The following CCDC148 variants were observed in gnomAD, a reference collection of about 807,000 sequenced individuals.
CCDC148 encodes coiled-coil domain containing 148.
In CCDC148, 89 loss-of-function variants were observed where a neutral mutation model predicts 85.7. The ratio of observed to expected loss-of-function variants is 1.04; its 90% CI spans 0.87 to 1.24. The LOEUF is 1.24. Among genes scored for constraint, CCDC148 ranks in the 50% most tolerant of loss-of-function variants. The pLI is 0.00. For synonymous variants in CCDC148, 230 were observed against 213.9 expected, an observed-to-expected ratio of 1.08 and a Z score of -0.66; for missense variants, 692 against 671.7, an observed-to-expected ratio of 1.03 and a Z score of -0.33.
At position 158,361,832 on chromosome 2, in the gene CCDC148, G is replaced by A. The variant is rs191220915; in HGVS notation, c.26-3262C>T. ...ACACATAACAATACTAACCTTAACT[G>A]TAAATGGGCTAAATGCCTTTAATTA... On this transcript the variant is annotated intron_variant, in intron 1 of 13. Transcript: ENST00000283233. Among the ~76,000 whole-genome samples the A allele has an allele frequency of 5.3e-5, 8 of 152,176 alleles. No individual in the cohort carries two copies. In the East Asian group the frequency reaches 1.4e-3, roughly 26 times the overall value.
At chr2:158,350,908 C>T (rs1232863950) in intron 2 of CCDC148, among the ~76,000 whole-genome samples, 1 of 152,026 alleles carries the variant, frequency 6.6e-6, no homozygotes, top group Non-Finnish European at 1.5e-5. Flanking sequence ...ATTCAACAGC[C>T]TCTCTTCTGT....
chr2:158,449,906 T>A (rs1688326562), intron 1 of CCDC148, among the ~76,000 whole-genome samples: 1 of 152,260 alleles, frequency 6.6e-6, no homozygotes, highest in Non-Finnish European at 1.5e-5. Flanking sequence ...AAAGTTCCCT[T>A]CTATTCTTAG....
chr2:158,320,488 AGTT>A (rs1559068133), intron 7 of CCDC148, among the ~76,000 whole-genome samples: 4 of 152,184 alleles, frequency 2.6e-5, no homozygotes, highest in Admixed American at 1.3e-4. Flanking sequence ...AATAGGGAAA[AGTT>A]GTTGTCATGA....
At chr2:158,388,961 G>A (rs971767372) in intron 1 of CCDC148, among the ~76,000 whole-genome samples, 6 of 152,184 alleles carry the variant, frequency 3.9e-5, no homozygotes, top group Non-Finnish European at 8.8e-5. Context: ...CTGAAAACAT[G>A]TCCAGAGATT....
At chr2:158,316,513 T>A (rs1574609792) in intron 7 of CCDC148, among the ~76,000 whole-genome samples, 1 of 152,070 alleles carries the variant, frequency 6.6e-6, no homozygotes, top group Middle Eastern at 3.4e-3. Flanking sequence ...TCCCAACAGT[T>A]TTTTCCAGTT....
rs1472303234 is a variant in CCDC148 at position 158,217,354 on chromosome 2, AT to A, written c.1370+3240del. 3.0e-3 allele frequency among the ~76,000 whole-genome samples: 377 copies of A among 124,226 alleles called. 9 individuals are homozygous for A. Among genetic ancestry groups the A allele is most frequent in the African/African-American group, 0.01 (352 of 34,126 alleles). 81.5% of individuals were successfully genotyped at this position (124,226 alleles called of 152,430 possible). On this transcript the variant is annotated intron_variant, in intron 11 of 13. Transcript: ENST00000283233. ...ATTTTGTGTATATATATATATATATATAAAATTTTGTGTGTGTGTGTATATA... is the reference window on the plus strand; with the variant it reads ...ATTTTGTGTATATATATATATATATAAAAATTTTGTGTGTGTGTGTATATA...
At chr2:158,230,807 T>C (rs1687820006) in intron 10 of CCDC148, among the ~76,000 whole-genome samples, 1 of 152,090 alleles carries the variant, frequency 6.6e-6, no homozygotes, top group Non-Finnish European at 1.5e-5. Context: ...ATCTGAGATG[T>C]GCTTTTGAGT....
At chr2:158,275,577 T>G (rs1275092297) in intron 9 of CCDC148, among the ~76,000 whole-genome samples, 1 of 152,142 alleles carries the variant, frequency 6.6e-6, no homozygotes, top group Admixed American at 6.5e-5. Flanking sequence ...TTCTGTGGCT[T>G]TTTGGAGTCT....
intron 11 of CCDC148, among the ~76,000 whole-genome samples, chr2:158,218,871 T>C (rs946456123): frequency 6.6e-6 from 1 of 152,196 alleles, no homozygotes; most frequent in African/African-American, 2.4e-5. Context: ...CAGTAACAGA[T>C]TATACTAAAC....
chr2:158,368,079 C>T (rs1354630293), intron 1 of CCDC148, among the ~76,000 whole-genome samples: 1 of 152,078 alleles, frequency 6.6e-6, no homozygotes, highest in Non-Finnish European at 1.5e-5. Flanking sequence ...AGGTTTATTT[C>T]ATAATTAATA....
intron 11 of CCDC148, 45 bp downstream of exon 11, chr2:158,220,550 C>T: frequency 7.7e-7 from 1 of 1,301,964 alleles, no homozygotes; most frequent in Non-Finnish European, 1.1e-6. Context: ...ACAAAAGACT[C>T]CATTCACCAC....
chr2:158,188,590 A>G (rs1281308824), intron 11 of CCDC148, among the ~76,000 whole-genome samples: 1 of 151,988 alleles, frequency 6.6e-6, no homozygotes, highest in Non-Finnish European at 1.5e-5. Context: ...ATAAAAATTA[A>G]CTCAAGATGG....
chr2:158,371,671 C>CATATACAT (rs142488179), intron 1 of CCDC148, among the ~76,000 whole-genome samples: 43 of 149,414 alleles, frequency 2.9e-4, no homozygotes, highest in African/African-American at 9.8e-4. Flanking sequence ...TGTTCATATA[C>CATATACAT]ATATATATAT....
intron 2 of CCDC148, among the ~76,000 whole-genome samples, chr2:158,355,497 A>C (rs1683581045): frequency 6.6e-6 from 1 of 150,862 alleles, no homozygotes; most frequent in African/African-American, 2.4e-5. Flanking sequence ...AAAGAGAATA[A>C]AATACCTAGG....
intron 11 of CCDC148, among the ~76,000 whole-genome samples, chr2:158,217,379 T>C (rs897911125): frequency 5.7e-5 from 5 of 87,352 alleles, no homozygotes; most frequent in African/African-American, 1.9e-4. Flanking sequence ...TGTGTGTATA[T>C]ATATATATAT....
chr2:158,237,827 G>A (rs1232907171), intron 10 of CCDC148, among the ~76,000 whole-genome samples: 1 of 152,112 alleles, frequency 6.6e-6, no homozygotes, highest in Non-Finnish European at 1.5e-5. Flanking sequence ...AGACTCCAAA[G>A]CTTAGAAGAT....
At position 158,172,165 on chromosome 2, in the gene CCDC148, C is replaced by T. The variant is rs1390479994; in HGVS notation, c.1724G>A (p.Ser575Asn). The stretch of plus-strand genomic sequence containing the variant: ...GTCCTTTCTTGGAGGTTTTTGAGGA[C>T]TAATTTTTGGTAATATCTCTTTAGC... ...LYAKEILPKISPQKPPRKDME... is the reference protein window; with the variant it reads ...LYAKEILPKINPQKPPRKDME... Residue 575 changes from serine to asparagine, a missense_variant, in exon 14 of 14, where the codon AGT becomes AAT. Coordinates refer to ENST00000283233, the MANE Select transcript of CCDC148 (RefSeq NM_138803.4). The T allele has an allele frequency of 1.2e-6, 2 of 1,609,506 alleles. No individual in the cohort carries two copies. The highest frequency in any genetic ancestry group is 1.3e-5 in the African/African-American group (1 of 74,664).
intron 1 of CCDC148, among the ~76,000 whole-genome samples, chr2:158,401,337 T>C (rs1346431555): frequency 2.0e-5 from 3 of 152,164 alleles, no homozygotes; most frequent in Admixed American, 1.3e-4. Flanking sequence ...AAAGAAAATG[T>C]GGCACATATA....
At chr2:158,298,820 C>T (rs75850227) in intron 9 of CCDC148, among the ~76,000 whole-genome samples, 2,555 of 152,038 alleles carry the variant, frequency 0.017, 33 homozygotes, top group Non-Finnish European at 0.028. Flanking sequence ...TCTTGAGGTT[C>T]TTGTCTTTTA....
Sources: allele counts gnomAD v4.1 joint callset (sites outside exome capture counted in the v4.1 genomes callset), GRCh38; gene constraint gnomAD v4.1.1; transcripts MANE v1.5; gene names NCBI Gene and HGNC (gene_info 2026-07-23, HGNC 2026-07-21).